PTBP3: variants seen among roughly 807,000 people sequenced by gnomAD.
PTBP3 encodes the protein polypyrimidine tract-binding protein 3.
A neutral mutation model predicts 58.7 loss-of-function variants in PTBP3; 20 were observed. The observed-to-expected ratio is 0.34, with a 90% CI of 0.24 to 0.50. The LOEUF is 0.50. PTBP3 is among the 20% of genes least tolerant of loss of function. The probability of loss-of-function intolerance (pLI) is 0.98; values close to 1 mark genes in which losing one functional copy is unlikely to be tolerated. For synonymous variants in PTBP3, 185 were observed against 219.8 expected (o/e 0.84, Z 1.40); for missense variants, 509 against 637.2 (o/e 0.80, Z 2.17).
intron 2 of PTBP3, among the ~76,000 whole-genome samples, chr9:112,286,999 G>A (rs78139453): frequency 2.9e-3 from 444 of 152,024 alleles, no homozygotes; most frequent in African/African-American, 0.01. Context: ...TCTTTTGAAG[G>A]AAAAGTGGTC....
chr9:112,379,129 CAAT>C, the PTBP3 span, among the ~76,000 whole-genome samples: 1 of 152,186 alleles, frequency 6.6e-6, no homozygotes, highest in African/African-American at 2.4e-5. Context: ...GCGGAGGTTA[CAAT>C]GAGCCGAGAT....
chr9:112,236,418 C>T (rs1002599811), intron 7 of PTBP3, among the ~76,000 whole-genome samples: 1 of 152,016 alleles, frequency 6.6e-6, no homozygotes, highest in African/African-American at 2.4e-5. Flanking sequence ...TACACACAAG[C>T]AAGCTCAAGA....
the PTBP3 span, among the ~76,000 whole-genome samples, chr9:112,349,733 G>C: frequency 1.3e-5 from 2 of 151,830 alleles, no homozygotes; most frequent in East Asian, 3.9e-4. Flanking sequence ...GTGGCAGGCG[G>C]GGCGCCTGTA....
rs141741602 is a variant in PTBP3 at position 112,231,262 on chromosome 9, A to C, written c.1054+118T>G. ...CTTACTAAGTCTTATTCACTGTTTT[A>C]TCCTCAGTGTCAGCACAATACTTGG... On this transcript the variant is annotated intron_variant, in intron 10 of 13. Transcript: ENST00000374257. 3.6e-5 allele frequency: 25 copies of C among 691,122 alleles called. 1 individual carries two copies. The highest frequency in any genetic ancestry group is 4.7e-5 in the Non-Finnish European group (21 of 449,160). 42.8% of individuals were successfully genotyped at this position (691,122 alleles called of 1,614,324 possible).
intron 1 of PTBP3, among the ~76,000 whole-genome samples, chr9:112,318,185 A>C (rs1397567287): frequency 6.6e-6 from 1 of 152,174 alleles, no homozygotes; most frequent in East Asian, 1.9e-4. Flanking sequence ...AGATACATAG[A>C]AGTCAGAAAA....
chr9:112,320,314 A>ATATATATATATATATATATATATTTT, intron 1 of PTBP3, among the ~76,000 whole-genome samples: 12 of 75,684 alleles, frequency 1.6e-4, no homozygotes, highest in Admixed American at 3.3e-4. Flanking sequence ...ATATATATAT[A>ATATATATATATATATATATATATTTT]TTTTTTTTTA....
At chr9:112,297,808 ATT>A in intron 2 of PTBP3, 22 bp downstream of exon 2, 1 of 1,427,980 alleles carries the variant, frequency 7.0e-7, no homozygotes, top group African/African-American at 2.0e-5. Flanking sequence ...GAAATCAAAT[ATT>A]AAAAAAAAAA....
intron 1 of PTBP3, among the ~76,000 whole-genome samples, chr9:112,315,855 T>C (rs1273814211): frequency 6.6e-6 from 1 of 152,250 alleles, no homozygotes; most frequent in East Asian, 1.9e-4. Flanking sequence ...AAGGAATTTG[T>C]ACATTTGGTC....
At position 112,268,199 on chromosome 9, in the gene PTBP3, C is replaced by T; in HGVS notation, c.205-4G>A. On this transcript the variant is annotated splice_polypyrimidine_tract_variant and splice_region_variant and intron_variant, in intron 3 of 13. Transcript: ENST00000374257. ...CAGAAGCCATTTCTAAGAAAGCCTG[C>T]AATAAACACAAGAAGGTAAAGTTAA... 3 of 1,600,034 alleles carry T rather than the reference C, an allele frequency of 1.9e-6. No homozygotes were observed. Among genetic ancestry groups the T allele is most frequent in the Middle Eastern group, 1.7e-4 (1 of 5,976 alleles).
the PTBP3 span, among the ~76,000 whole-genome samples, chr9:112,347,785 T>C: frequency 1.4e-4 from 22 of 152,310 alleles, no homozygotes; most frequent in South Asian, 4.1e-4. Flanking sequence ...AAACTCAGCA[T>C]AGTGGTTACT....
rs117377657 is a variant in PTBP3 at position 112,258,150 on chromosome 9, T to C, written c.516+4285A>G. Among the ~76,000 whole-genome samples the C allele has an allele frequency of 1.1e-3, 173 of 152,358 alleles. 1 individual carries two copies. The East Asian group carries it at 0.031, about 27-fold the overall frequency. ...TTATCTTTATTACAATTCAAAAAGA[T>C]TGGTCCTTTGTCCAGAAGAGATTTA... On this transcript the variant is annotated intron_variant, in intron 5 of 13. Transcript: ENST00000374257.
intron 1 of PTBP3, 52 bp downstream of exon 1, chr9:112,333,418 G>A: frequency 1.3e-6 from 2 of 1,557,556 alleles, no homozygotes; most frequent in Non-Finnish European, 1.7e-6. Context: ...AGAGCCGGGT[G>A]GAAGCGGCGC....
chr9:112,279,929 CATAATTA>C (rs1827784904), intron 2 of PTBP3, among the ~76,000 whole-genome samples: 1 of 151,992 alleles, frequency 6.6e-6, no homozygotes, highest in African/African-American at 2.4e-5. Flanking sequence ...AATTTTTTGT[CATAATTA>C]ATAATTGATA....
intron 7 of PTBP3, among the ~76,000 whole-genome samples, chr9:112,237,999 G>A (rs1835500644): frequency 6.6e-6 from 1 of 152,076 alleles, no homozygotes; most frequent in Non-Finnish European, 1.5e-5. Flanking sequence ...AGCCTTTAAT[G>A]CTGCAGGCAA....
intron 2 of PTBP3, among the ~76,000 whole-genome samples, chr9:112,293,074 C>T (rs1297629697): frequency 6.6e-6 from 1 of 152,062 alleles, no homozygotes; most frequent in African/African-American, 2.4e-5. Flanking sequence ...TGGGGCAATA[C>T]ACAACACAAG....
intron 2 of PTBP3, among the ~76,000 whole-genome samples, chr9:112,294,131 A>C (rs1187304727): frequency 2.6e-5 from 4 of 152,218 alleles, no homozygotes; most frequent in African/African-American, 9.6e-5. Context: ...AGAAGCACAA[A>C]AGATGATGGT....
chr9:112,227,458 G>A lies in PTBP3; in HGVS notation c.1317C>T (p.Phe439=), dbSNP rs116078486. 1.1e-3 allele frequency: 1,699 copies of A among 1,613,996 alleles called. 10 individuals are homozygous for A. The African/African-American group carries it at 0.015, about 14-fold the overall frequency. ...TGGCTGATGGTGGAAAGATATTCTG[G>A]AAGTTTTTAGAGCCCGGCTTTTTAA... ...HRFKKPGSKN[F]QNIFPPSATL... is the part of the protein sequence containing the mutation. The change falls in exon 12 of 14, where the codon TTC becomes TTT. Residue 439 remains phenylalanine (F), a synonymous_variant. Coordinates refer to ENST00000374257, the MANE Select transcript of PTBP3 (RefSeq NM_001163788.4).
intron 2 of PTBP3, among the ~76,000 whole-genome samples, chr9:112,293,759 C>T (rs1438494536): frequency 6.6e-6 from 1 of 152,140 alleles, no homozygotes; most frequent in Non-Finnish European, 1.5e-5. Context: ...TTCAACTGTC[C>T]TTGTTACCCT....
intron 2 of PTBP3, among the ~76,000 whole-genome samples, chr9:112,278,752 T>A (rs948708949): frequency 1.3e-5 from 2 of 152,222 alleles, no homozygotes; most frequent in African/African-American, 4.8e-5. Flanking sequence ...GAGCAAGTTA[T>A]TTAACGTTAC....
Sources: allele counts gnomAD v4.1 joint callset (sites outside exome capture counted in the v4.1 genomes callset), GRCh38; gene constraint gnomAD v4.1.1; transcripts MANE v1.5; gene names NCBI Gene and HGNC (gene_info 2026-07-23, HGNC 2026-07-21).